Variants in C12orf60 observed in about 807,000 individuals in gnomAD.
The protein encoded by C12orf60 is chromosome 12 open reading frame 60.
For synonymous variants in C12orf60, 102 were observed against 94.6 expected (o/e 1.08, Z -0.45); for missense variants, 284 against 283.2 (o/e 1.00, Z -0.02).
intron 1 of C12orf60, among the ~76,000 whole-genome samples, 187 bp from the exon 2 acceptor site, chr12:14,822,725 T>C (rs1161195524): frequency 3.9e-5 from 6 of 152,234 alleles, no homozygotes; most frequent in African/African-American, 1.4e-4. Context: ...AACCCTATTC[T>C]ACCCTGTTTT....
chr12:14,812,482 CCT>C (rs941098469), intron 1 of C12orf60, among the ~76,000 whole-genome samples: 3 of 152,070 alleles, frequency 2.0e-5, no homozygotes, highest in Non-Finnish European at 2.9e-5. Context: ...TATACTATTC[CCT>C]GTCTTTACCC....
At chr12:14,811,769 A>G (rs1023029481) in intron 1 of C12orf60, among the ~76,000 whole-genome samples, 23 of 152,194 alleles carry the variant, frequency 1.5e-4, no homozygotes, top group African/African-American at 4.6e-4. Context: ...TTCAAATACA[A>G]CTCTTCAGGG....
chr12:14,816,016 CT>C (rs1276409266), intron 1 of C12orf60, among the ~76,000 whole-genome samples: 1 of 152,196 alleles, frequency 6.6e-6, no homozygotes, highest in African/African-American at 2.4e-5. Context: ...ACTTGAACTT[CT>C]TTTTTCTGCA....
At chr12:14,822,575 A>G (rs577908716) in intron 1 of C12orf60, among the ~76,000 whole-genome samples, 1 of 152,238 alleles carries the variant, frequency 6.6e-6, no homozygotes, top group East Asian at 1.9e-4. Context: ...GTAATTTGTA[A>G]TGCTTTATCC....
intron 1 of C12orf60, among the ~76,000 whole-genome samples, chr12:14,822,010 G>A (rs12825197): frequency 0.14 from 19,182 of 136,780 alleles, 1,850 homozygotes; most frequent in African/African-American, 0.21. Context: ...GTGTGGGGGT[G>A]GGGTGGGGAG....
intron 1 of C12orf60, among the ~76,000 whole-genome samples, chr12:14,812,564 T>A (rs1950158205): frequency 6.6e-6 from 1 of 152,228 alleles, no homozygotes. Flanking sequence ...CCCACAGATT[T>A]TTTTTCCTCC....
At chr12:14,814,873 A>G (rs1950193154) in intron 1 of C12orf60, among the ~76,000 whole-genome samples, 1 of 152,228 alleles carries the variant, frequency 6.6e-6, no homozygotes, top group South Asian at 2.1e-4. Flanking sequence ...AGTGAAAGAC[A>G]GCAGGCTTTA....
intron 1 of C12orf60, chr12:14,805,982 A>G: frequency 6.3e-7 from 1 of 1,577,468 alleles, no homozygotes; most frequent in Non-Finnish European, 8.6e-7. Flanking sequence ...AAAACACTTC[A>G]GTGGCAAATA....
chr12:14,808,388 A>T (rs985490137), intron 1 of C12orf60, among the ~76,000 whole-genome samples: 1 of 151,206 alleles, frequency 6.6e-6, no homozygotes, highest in African/African-American at 2.4e-5. Context: ...TTTAAATTAC[A>T]CTCTTGAGAG....
At position 14,823,550 on chromosome 12, in the gene C12orf60, G is replaced by A. The variant is rs746452937; in HGVS notation, c.615G>A (p.Lys205=). 2 of 1,613,922 alleles carry A rather than the reference G, an allele frequency of 1.2e-6. No homozygotes were observed. Among genetic ancestry groups the A allele is most frequent in the East Asian group, 4.5e-5 (2 of 44,866 alleles). Residue 205 remains lysine, a synonymous_variant, in exon 2 of 2, where the codon AAG becomes AAA. Transcript: ENST00000330828. ...CTGAGGATTCCAAAAATCCCACAAA[G>A]TCAGCAGCAGATTTGTTGGAACAAA... ...LKTEDSKNPT[K]SAADLLEQIV... is the part of the protein sequence containing the mutation.
intron 1 of C12orf60, 143 bp from the exon 2 acceptor site, chr12:14,822,769 G>A (rs1303147432): frequency 1.6e-6 from 1 of 619,902 alleles, no homozygotes; most frequent in East Asian, 2.9e-5. Flanking sequence ...TTGAAGCATA[G>A]TACCATTTTT....
chr12:14,812,251 T>C (rs915198898), intron 1 of C12orf60, among the ~76,000 whole-genome samples: 2 of 152,166 alleles, frequency 1.3e-5, no homozygotes, highest in African/African-American at 4.8e-5. Flanking sequence ...GAAACCATCC[T>C]GGCTAACACG....
At chr12:14,820,674 TTAAGAGAAGATTTA>T (rs1256037132) in intron 1 of C12orf60, among the ~76,000 whole-genome samples, 1 of 152,100 alleles carries the variant, frequency 6.6e-6, no homozygotes, top group Non-Finnish European at 1.5e-5. Context: ...TTTAATTCTA[TTAAGAGAAGATTTA>T]TTGTCTTTTA....
chr12:14,815,131 G>C (rs1950196152), intron 1 of C12orf60, among the ~76,000 whole-genome samples: 1 of 152,130 alleles, frequency 6.6e-6, no homozygotes, highest in African/African-American at 2.4e-5. Context: ...GAGAATGGGT[G>C]GGTACAGGAT....
intron 1 of C12orf60, among the ~76,000 whole-genome samples, chr12:14,816,503 C>T (rs1284510143): frequency 6.6e-6 from 1 of 152,050 alleles, no homozygotes; most frequent in Non-Finnish European, 1.5e-5. Context: ...CAATAGCCTC[C>T]TTTATCTTTC....
At chr12:14,806,525 G>A in intron 1 of C12orf60, 2 of 1,614,066 alleles carry the variant, frequency 1.2e-6, no homozygotes, top group Middle Eastern at 1.6e-4. Context: ...TCTCAATGGA[G>A]GCCAGCCTGC....
Position 14,823,823 on chromosome 12 carries a change from T to C in C12orf60, c.*150T>C. 1.7e-6 allele frequency: 1 copy of C among 574,962 alleles called. No individual in the cohort carries two copies. Among genetic ancestry groups the C allele is most frequent in the Admixed American group, 3.8e-5 (1 of 25,978 alleles). The allele number at this position is 574,962 out of a possible 1,614,324, so 35.6% of individuals were successfully genotyped here. On this transcript the variant is annotated 3_prime_UTR_variant, in exon 2 of 2. Coordinates refer to ENST00000330828, the MANE Select transcript of C12orf60 (RefSeq NM_175874.4). ...ATCTGGCAAAACATTTACCTGTAGT[T>C]TTGCTTTATTAAAATAAAAAGAAAT...
chr12:14,820,589 CAG>C (rs1950291144), intron 1 of C12orf60, among the ~76,000 whole-genome samples: 1 of 151,816 alleles, frequency 6.6e-6, no homozygotes, highest in Admixed American at 6.6e-5. Context: ...TTTTGAGCCA[CAG>C]ATTATTTAAG....
intron 1 of C12orf60, among the ~76,000 whole-genome samples, chr12:14,818,808 T>C (rs897360908): frequency 6.6e-6 from 1 of 152,154 alleles, no homozygotes; most frequent in Non-Finnish European, 1.5e-5. Context: ...AAACAATCAA[T>C]TGACCACATT....
Sources: gnomAD v4.1 joint callset for allele counts (sites outside exome capture counted in the v4.1 genomes callset) on GRCh38, gnomAD v4.1.1 for gene constraint, MANE v1.5 for transcripts, NCBI Gene and HGNC (gene_info 2026-07-23, HGNC 2026-07-21) for gene names.